PFKP: variants seen among roughly 807,000 people sequenced by gnomAD.
PFKP encodes the protein ATP-dependent 6-phosphofructokinase, platelet type.
A neutral mutation model predicts 94.3 loss-of-function variants in PFKP; 101 were observed. That is an observed-to-expected ratio of 1.07 (90% confidence interval 0.91 to 1.26). The LOEUF is 1.26. Among genes scored for constraint, PFKP ranks in the 50% most tolerant of loss-of-function variants. PFKP has a pLI of 0.00. For synonymous variants in PFKP, 573 were observed against 432.6 expected (o/e 1.32, Z -4.03); for missense variants, 1,145 against 1,103.3 (o/e 1.04, Z -0.53).
chr10:3,112,026 G>A (rs1336905561), intron 10 of PFKP, among the ~76,000 whole-genome samples, 196 bp from the exon 11 acceptor site: 9 of 152,188 alleles, frequency 5.9e-5, no homozygotes, highest in East Asian at 5.8e-4. Flanking sequence ...CAGCCGGGCC[G>A]TGTGGGGCTG....
chr10:3,083,577 G>GT (rs1833252278), intron 2 of PFKP, among the ~76,000 whole-genome samples: 1 of 152,106 alleles, frequency 6.6e-6, no homozygotes, highest in Admixed American at 6.5e-5. Context: ...TGTATACTGT[G>GT]TTTTTTGTTT....
At chr10:3,114,940 G>C (rs1836636624) in intron 13 of PFKP, among the ~76,000 whole-genome samples, 1 of 152,228 alleles carries the variant, frequency 6.6e-6, no homozygotes, top group Admixed American at 6.5e-5. Flanking sequence ...AGGGCTCCCA[G>C]CCGGGGCTTT....
At chr10:3,068,571 T>G in intron 1 of PFKP, 1 of 658,916 alleles carries the variant, frequency 1.5e-6, no homozygotes, top group East Asian at 1.4e-4. Context: ...ATGTGGAAGC[T>G]GCTCTCTAGG....
intron 16 of PFKP, 161 bp from the exon 17 acceptor site, chr10:3,129,658 C>A: frequency 1.3e-6 from 1 of 741,366 alleles, no homozygotes; most frequent in Non-Finnish European, 2.2e-6. Flanking sequence ...ACTCCGAGGG[C>A]ACATCCTGGC....
intron 16 of PFKP, among the ~76,000 whole-genome samples, chr10:3,122,780 T>A (rs558188424): frequency 3.4e-4 from 52 of 152,290 alleles, no homozygotes; most frequent in Non-Finnish European, 6.5e-4. Context: ...AATTTGGTGA[T>A]TCTCATGGGG....
intron 3 of PFKP, 111 bp from the exon 4 acceptor site, chr10:3,101,254 A>G: frequency 1.1e-6 from 1 of 937,890 alleles, no homozygotes; most frequent in South Asian, 1.7e-5. Context: ...CAAGATGAAA[A>G]TGAGAAAAAT....
Position 3,128,669 on chromosome 10 carries a change from C to T in PFKP, c.1684-1150C>T, listed in dbSNP as rs114984040. Among the ~76,000 whole-genome samples, 1,224 of 151,384 alleles carry T rather than the reference C, an allele frequency of 8.1e-3. 16 individuals carry two copies. Among genetic ancestry groups the T allele is most frequent in the African/African-American group, 0.028 (1,174 of 41,290 alleles). On this transcript the variant is annotated intron_variant, in intron 16 of 21. Transcript: ENST00000381125. ...CCTTCCATGTGGGTGTGCAGCATCC[C>T]GCTCCAGGGCCTTCAGCCTCTGCGC...
chr10:3,131,724 G>T (rs1226194844), intron 17 of PFKP, among the ~76,000 whole-genome samples: 5 of 152,186 alleles, frequency 3.3e-5, no homozygotes, highest in Non-Finnish European at 1.5e-5. Context: ...CTCCCAAAGT[G>T]CTGGGACTAC....
At chr10:3,082,226 T>C (rs1404722612) in intron 1 of PFKP, among the ~76,000 whole-genome samples, 162 bp from the exon 2 acceptor site, 5 of 152,132 alleles carry the variant, frequency 3.3e-5, no homozygotes, top group African/African-American at 4.8e-5. Context: ...CTGTTTCTTT[T>C]AGTCCTTACC....
In PFKP at chr10:3,067,714, GCC is replaced by G; in HGVS notation, c.112+12_112+13del. 6.9e-7 allele frequency: 1 copy of G among 1,448,796 alleles called. No individual in the cohort carries two copies. Among genetic ancestry groups the G allele is most frequent in the Non-Finnish European group, 9.2e-7 (1 of 1,083,646 alleles). The allele number at this position is 1,448,796 out of a possible 1,614,324, so 89.7% of individuals were successfully genotyped here. A position where few individuals can be genotyped will look rare whatever the true frequency, so the allele number is the denominator to read the frequency against. ...AGCGGCGGGGATGCTCAAGGTGCGCGCCCCCCTCCCGGCGGCGAGGGAGGGAC... is the reference window on the plus strand; with the variant it reads ...AGCGGCGGGGATGCTCAAGGTGCGCGCCCCTCCCGGCGGCGAGGGAGGGAC... On this transcript the variant is annotated splice_region_variant and intron_variant, in intron 1 of 21. Coordinates refer to ENST00000381125, the MANE Select transcript of PFKP (RefSeq NM_002627.5).
intron 1 of PFKP, among the ~76,000 whole-genome samples, chr10:3,077,041 C>T (rs914335147): frequency 6.6e-6 from 1 of 152,108 alleles, no homozygotes; most frequent in Admixed American, 6.5e-5. Flanking sequence ...TCTAACAAAG[C>T]AGCGGGAGGA....
At chr10:3,106,593 C>A (rs1365485366) in intron 7 of PFKP, among the ~76,000 whole-genome samples, 1 of 141,610 alleles carries the variant, frequency 7.1e-6, no homozygotes, top group Admixed American at 7.0e-5. Flanking sequence ...GCTCCTTCAC[C>A]CCTGCCCCTC....
At chr10:3,126,537 A>T (rs9423693) in intron 16 of PFKP, among the ~76,000 whole-genome samples, 94,850 of 152,094 alleles carry the variant, frequency 0.62, 30,021 homozygotes, top group Non-Finnish European at 0.68. Flanking sequence ...TGCGGGTTCC[A>T]TGCTGTAGCA....
intron 14 of PFKP, 60 bp from the exon 15 acceptor site, chr10:3,118,721 GT>G: frequency 8.1e-7 from 1 of 1,229,542 alleles, no homozygotes; most frequent in Non-Finnish European, 1.2e-6. Context: ...CCGGCGTGGC[GT>G]CCTGCGGACC....
At chr10:3,118,727 C>T (rs1350966496) in intron 14 of PFKP, 55 bp from the exon 15 acceptor site, 31 of 1,336,122 alleles carry the variant, frequency 2.3e-5, no homozygotes, top group African/African-American at 8.7e-5. Context: ...TGGCGTCCTG[C>T]GGACCGCGTG....
chr10:3,110,004 C>T (rs547778073), intron 10 of PFKP, among the ~76,000 whole-genome samples: 31 of 152,216 alleles, frequency 2.0e-4, no homozygotes, highest in South Asian at 1.0e-3. Context: ...ATTTCCTGTC[C>T]TCCTATCCCC....
At chr10:3,103,010 G>A (rs1422959070) in intron 4 of PFKP, among the ~76,000 whole-genome samples, 6 of 152,162 alleles carry the variant, frequency 3.9e-5, no homozygotes, top group Non-Finnish European at 4.4e-5. Flanking sequence ...ATGCAGAACT[G>A]CCCAGCCCAG....
At chr10:3,112,316 G>A (rs747148963) in intron 11 of PFKP, 30 bp downstream of exon 11, 7 of 1,567,696 alleles carry the variant, frequency 4.5e-6, no homozygotes, top group South Asian at 1.1e-5. Context: ...GCTCTGCCCT[G>A]TCAGGAACAC....
At chr10:3,119,771 CGTGAT>C in intron 15 of PFKP, 116 bp from the exon 16 acceptor site, 1 of 634,404 alleles carries the variant, frequency 1.6e-6, no homozygotes, top group Non-Finnish European at 2.5e-6. Flanking sequence ...GGAGTGTTTT[CGTGAT>C]GCCCCAGTGT....
Sources: gnomAD v4.1 joint callset for allele counts (sites outside exome capture counted in the v4.1 genomes callset) on GRCh38, gnomAD v4.1.1 for gene constraint, MANE v1.5 for transcripts, NCBI Gene and HGNC (gene_info 2026-07-23, HGNC 2026-07-21) for gene names.